Variants in GNB4 observed in about 807,000 individuals in gnomAD.
The protein encoded by GNB4 is G protein subunit beta 4.
A neutral mutation model predicts 45.2 loss-of-function variants in GNB4; 28 were observed. That is an observed-to-expected ratio of 0.62 (90% CI 0.46 to 0.85). The LOEUF (loss-of-function observed/expected upper bound fraction) is 0.85. GNB4 is among the 40% of genes least tolerant of loss of function. GNB4 has a pLI of 0.00. For missense variants in GNB4, 321 were observed against 425.4 expected, an observed-to-expected ratio of 0.75 and a Z score of 2.16; for synonymous variants, 132 against 143.7, an observed-to-expected ratio of 0.92 and a Z score of 0.58.
chr3:179,495,570 G>A, the GNB4 span, among the ~76,000 whole-genome samples: 2 of 146,146 alleles, frequency 1.4e-5, no homozygotes, highest in African/African-American at 5.0e-5. Context: ...GAAAGAAAGA[G>A]AAAGAAAGAA....
the GNB4 span, among the ~76,000 whole-genome samples, chr3:179,468,035 A>AAAAAAAAATAATATATATAT: frequency 1.1e-5 from 1 of 89,856 alleles, no homozygotes; most frequent in Non-Finnish European, 2.4e-5. Flanking sequence ...TGTTGATAAA[A>AAAAAAAAATAATATATATAT]ATATATATAT....
the GNB4 span, among the ~76,000 whole-genome samples, chr3:179,507,014 C>T: frequency 6.6e-6 from 1 of 152,188 alleles, no homozygotes; most frequent in Non-Finnish European, 1.5e-5. Flanking sequence ...CTTCTGTGTT[C>T]CCATTCTGAG....
At chr3:179,417,260 A>G (rs967910468) in intron 4 of GNB4, among the ~76,000 whole-genome samples, 6 of 152,214 alleles carry the variant, frequency 3.9e-5, no homozygotes, top group Non-Finnish European at 7.3e-5. Context: ...TGTTTCAGGA[A>G]TTGTGGGTCT....
intron 9 of GNB4, among the ~76,000 whole-genome samples, chr3:179,403,797 C>CAGAAA (rs1553850314): frequency 2.1e-5 from 2 of 96,202 alleles, no homozygotes. Context: ...GACTCCGTCT[C>CAGAAA]AAAAAAATAA....
At chr3:179,405,510 T>C (rs922402843) in intron 8 of GNB4, 104 bp from the exon 9 acceptor site, 2 of 765,748 alleles carry the variant, frequency 2.6e-6, no homozygotes, top group African/African-American at 3.5e-5. Flanking sequence ...CTTGGCTACC[T>C]ACCAGGTGAG....
In GNB4 at chr3:179,405,218, T is replaced by C. The variant is rs999905839; in HGVS notation, c.888A>G (p.Val296=). 3.1e-6 allele frequency: 5 copies of C among 1,613,980 alleles called. No homozygotes were observed. Among genetic ancestry groups the C allele is most frequent in the African/African-American group, 2.7e-5 (2 of 74,922 alleles). Residue 296 remains valine (V), a synonymous_variant, in exon 9 of 10, where the codon GTA becomes GTG. Coordinates refer to ENST00000232564, the MANE Select transcript of GNB4 (RefSeq NM_021629.4). ...LAGYDDFNCN[V]WDTLKGDRAG... is the part of the protein sequence containing the mutation. ...CACGATCTCCTTTTAGCGTGTCCCA[T>C]ACATTACAATTAAAGTCATCGTAAC...
At chr3:179,472,025 A>G in the GNB4 span, among the ~76,000 whole-genome samples, 1 of 152,156 alleles carries the variant, frequency 6.6e-6, no homozygotes, top group African/African-American at 2.4e-5. Flanking sequence ...GATTAATTAA[A>G]TTATGATATA....
At chr3:179,487,875 C>A in the GNB4 span, among the ~76,000 whole-genome samples, 2 of 152,108 alleles carry the variant, frequency 1.3e-5, no homozygotes, top group South Asian at 2.1e-4. Flanking sequence ...CATGGTGAAA[C>A]CCCATCTCTA....
At chr3:179,453,089 C>G (rs940717545), upstream of GNB4, among the ~76,000 whole-genome samples, 1 of 152,096 alleles carries the variant, frequency 6.6e-6, no homozygotes, top group Non-Finnish European at 1.5e-5. Flanking sequence ...TTGGTAGAGC[C>G]CTGCATGACA....
intron 2 of GNB4, among the ~76,000 whole-genome samples, chr3:179,425,903 ATGTC>A (rs1405260828): frequency 2.0e-5 from 3 of 152,238 alleles, no homozygotes; most frequent in Admixed American, 2.0e-4. Flanking sequence ...AAAGAGAATT[ATGTC>A]TGTCTTTCAT....
intron 9 of GNB4, among the ~76,000 whole-genome samples, chr3:179,404,837 A>G (rs1375907562): frequency 6.6e-6 from 1 of 152,134 alleles, no homozygotes; most frequent in Non-Finnish European, 1.5e-5. Context: ...CCCATACAAG[A>G]TCTGCTTCAG....
chr3:179,509,896 C>A, the GNB4 span, among the ~76,000 whole-genome samples: 1 of 152,184 alleles, frequency 6.6e-6, no homozygotes, highest in Non-Finnish European at 1.5e-5. Flanking sequence ...TGGCTCACTG[C>A]AACCTCAGCT....
chr3:179,441,583 AAC>A (rs952227650), intron 1 of GNB4, among the ~76,000 whole-genome samples: 25 of 151,682 alleles, frequency 1.6e-4, no homozygotes, highest in African/African-American at 5.6e-4. Flanking sequence ...AAAATACAAA[AAC>A]AAACAAACAA....
chr3:179,400,991 C>G lies in GNB4; in HGVS notation c.*222G>C, dbSNP rs1714279083. On this transcript the variant is annotated 3_prime_UTR_variant, in exon 10 of 10. Transcript: ENST00000232564. ...TTCACCAAGGTTAAAATAACCCAAC[C>G]CCTCAAATTAATACACTGGTCCTTT... 2.3e-6 allele frequency: 1 copy of G among 427,426 alleles called. No individual in the cohort carries two copies. The highest frequency in any genetic ancestry group is 4.2e-6 in the Non-Finnish European group (1 of 237,516). The allele number at this position is 427,426 out of a possible 1,614,324, so 26.5% of individuals were successfully genotyped here.
chr3:179,470,847 C>A, the GNB4 span, among the ~76,000 whole-genome samples: 5 of 151,998 alleles, frequency 3.3e-5, no homozygotes, highest in African/African-American at 1.2e-4. Flanking sequence ...ACAAAAGAGT[C>A]AAAAAGTTTA....
At chr3:179,417,887 G>T (rs1163844299) in intron 4 of GNB4, among the ~76,000 whole-genome samples, 1 of 152,122 alleles carries the variant, frequency 6.6e-6, no homozygotes, top group African/African-American at 2.4e-5. Context: ...TGATAGTGGG[G>T]TATAGGATGG....
At chr3:179,482,287 C>T in the GNB4 span, among the ~76,000 whole-genome samples, 1 of 152,016 alleles carries the variant, frequency 6.6e-6, no homozygotes, top group Non-Finnish European at 1.5e-5. Context: ...TTTTGCAATG[C>T]CATAGATCCT....
At chr3:179,435,973 C>A (rs546380253) in intron 1 of GNB4, among the ~76,000 whole-genome samples, 162 of 152,286 alleles carry the variant, frequency 1.1e-3, no homozygotes, top group Non-Finnish European at 1.6e-3. Flanking sequence ...AATTATACTG[C>A]TGTGTTAGTG....
In GNB4 at chr3:179,401,159, T is replaced by C; in HGVS notation, c.*54A>G. The C allele has an allele frequency of 7.9e-7, 1 of 1,266,650 alleles. No homozygotes were observed. Among genetic ancestry groups the C allele is most frequent in the Non-Finnish European group, 1.1e-6 (1 of 879,774 alleles). The allele number at this position is 1,266,650 out of a possible 1,614,324, so 78.5% of individuals were successfully genotyped here. On this transcript the variant is annotated 3_prime_UTR_variant, in exon 10 of 10. Coordinates refer to ENST00000232564, the MANE Select transcript of GNB4 (RefSeq NM_021629.4). ...GTAGAATTTTTTCACAGCTATAGGCTGTAGCATTGATTTCTCCAGATATAT... is the reference window on the plus strand; with the variant it reads ...GTAGAATTTTTTCACAGCTATAGGCCGTAGCATTGATTTCTCCAGATATAT...
Sources: gnomAD v4.1 joint callset for allele counts (sites outside exome capture counted in the v4.1 genomes callset) on GRCh38, gnomAD v4.1.1 for gene constraint, MANE v1.5 for transcripts, NCBI Gene and HGNC (gene_info 2026-07-23, HGNC 2026-07-21) for gene names.